CHRM3: variants seen among roughly 807,000 people sequenced by gnomAD.
The protein encoded by CHRM3 is cholinergic receptor muscarinic 3, also known as muscarinic acetylcholine receptor M3.
Under a neutral mutation model 41.8 loss-of-function variants are expected in CHRM3, and 11 were observed. That is an observed-to-expected ratio of 0.26 (90% CI 0.17 to 0.44). The LOEUF is 0.44. Among genes scored for constraint, CHRM3 ranks in the 20% least tolerant of loss-of-function variants. CHRM3 has a pLI of 1.00. For missense variants in CHRM3, 571 were observed against 745.4 expected, an observed-to-expected ratio of 0.77 and a Z score of 2.72; for synonymous variants, 297 against 301.4, an observed-to-expected ratio of 0.99 and a Z score of 0.15.
intron 3 of CHRM3, among the ~76,000 whole-genome samples, chr1:239,580,479 C>G (rs1341221781): frequency 6.6e-6 from 1 of 151,718 alleles, no homozygotes; most frequent in Non-Finnish European, 1.5e-5. Context: ...AGTTTAGCAA[C>G]TGTTTATGCC....
chr1:239,783,334 CA>C (rs1668646031), intron 5 of CHRM3, among the ~76,000 whole-genome samples: 1 of 151,746 alleles, frequency 6.6e-6, no homozygotes, highest in Admixed American at 6.6e-5. Context: ...AAAACATATT[CA>C]ATAGTCTTAA....
At chr1:239,661,493 C>G (rs1673186069) in intron 4 of CHRM3, among the ~76,000 whole-genome samples, 1 of 152,102 alleles carries the variant, frequency 6.6e-6, no homozygotes, top group African/African-American at 2.4e-5. Flanking sequence ...AAAGAATGAG[C>G]TGTCATGTTG....
chr1:239,882,381 C>G (rs1473832339), intron 6 of CHRM3, among the ~76,000 whole-genome samples: 4 of 152,142 alleles, frequency 2.6e-5, no homozygotes, highest in Non-Finnish European at 1.5e-5. Flanking sequence ...ATAATAATAG[C>G]AATATTCATT....
At chr1:239,498,449 A>G (rs1668020743) in intron 2 of CHRM3, among the ~76,000 whole-genome samples, 1 of 152,194 alleles carries the variant, frequency 6.6e-6, no homozygotes, top group South Asian at 2.1e-4. Flanking sequence ...GATTTCAATA[A>G]AATTAAATTT....
chr1:239,440,835 CT>C (rs762621607), intron 1 of CHRM3, among the ~76,000 whole-genome samples: 9 of 152,172 alleles, frequency 5.9e-5, no homozygotes, highest in Non-Finnish European at 1.2e-4. Context: ...TAAATACATT[CT>C]TAATCTTTGT....
chr1:239,437,807 G>A (rs905904180), intron 1 of CHRM3, among the ~76,000 whole-genome samples: 4 of 152,144 alleles, frequency 2.6e-5, no homozygotes, highest in South Asian at 2.1e-4. Context: ...GTCTGAAATC[G>A]GAAACTAGAG....
intron 2 of CHRM3, among the ~76,000 whole-genome samples, chr1:239,493,167 G>A (rs1667662830): frequency 6.6e-6 from 1 of 152,160 alleles, no homozygotes; most frequent in South Asian, 2.1e-4. Context: ...CTCAGGAATT[G>A]TTTCTTTTAA....
intron 1 of CHRM3, among the ~76,000 whole-genome samples, chr1:239,454,231 A>G (rs923744416): frequency 6.6e-6 from 1 of 152,150 alleles, no homozygotes; most frequent in Non-Finnish European, 1.5e-5. Flanking sequence ...GCTTCTGATA[A>G]CTATAAATTG....
At chr1:239,666,226 G>A (rs60480924) in intron 4 of CHRM3, among the ~76,000 whole-genome samples, 2,994 of 150,500 alleles carry the variant, frequency 0.02, 92 homozygotes, top group African/African-American at 0.068. Context: ...ATGGAGTCTC[G>A]CTCTGTCACC....
chr1:239,485,962 TC>T (rs1667159414), intron 1 of CHRM3, among the ~76,000 whole-genome samples: 1 of 152,188 alleles, frequency 6.6e-6, no homozygotes, highest in Admixed American at 6.5e-5. Context: ...CCTTTCTGTC[TC>T]CACCAAGCAC....
chr1:239,703,769 G>T (rs1327986827), intron 5 of CHRM3: 1 of 152,142 alleles, frequency 6.6e-6, no homozygotes, highest in African/African-American at 2.4e-5. Flanking sequence ...TCTGTGTCGG[G>T]TTTTGGAGAC....
chr1:239,580,088 A>G (rs1307781921), intron 3 of CHRM3, among the ~76,000 whole-genome samples: 1 of 152,158 alleles, frequency 6.6e-6, no homozygotes, highest in Non-Finnish European at 1.5e-5. Context: ...TTAGAACTTT[A>G]TGAATTAACT....
chr1:239,586,004 C>T (rs1484207858), intron 3 of CHRM3, among the ~76,000 whole-genome samples: 2 of 152,154 alleles, frequency 1.3e-5, no homozygotes, highest in African/African-American at 4.8e-5. Context: ...ACTAATAAAT[C>T]ATAATGCAGA....
chr1:239,571,766 A>C (rs186186221), intron 3 of CHRM3, among the ~76,000 whole-genome samples: 51 of 152,262 alleles, frequency 3.3e-4, no homozygotes, highest in Non-Finnish European at 4.4e-5. Context: ...TCCAACTCCA[A>C]ATGAAAGGGG....
At chr1:239,710,364 A>C (rs115822394) in intron 5 of CHRM3, among the ~76,000 whole-genome samples, 1 of 152,200 alleles carries the variant, frequency 6.6e-6, no homozygotes, top group Non-Finnish European at 1.5e-5. Context: ...CTCTGATCTA[A>C]GTTGGGCAAA....
Position 239,492,733 on chromosome 1 carries a change from C to G in CHRM3, c.-496C>G, listed in dbSNP as rs1235799007. 1 of 152,222 alleles carries G rather than the reference C, an allele frequency of 6.6e-6. No homozygotes were observed. The highest frequency in any genetic ancestry group is 1.5e-5 in the Non-Finnish European group (1 of 68,090). The allele number at this position is 152,222 out of a possible 1,614,324, so 9.4% of individuals were successfully genotyped here. On this transcript the variant is annotated 5_prime_UTR_variant, in exon 2 of 7. Coordinates refer to ENST00000676153, the MANE Select transcript of CHRM3 (RefSeq NM_001375978.1). ...GAAAGAAGGACTTTGCTGCTTTGGG[C>G]CAGGATCTGAACTTAGGTGTAAACC...
At chr1:239,556,892 A>G (rs769465194) in intron 3 of CHRM3, among the ~76,000 whole-genome samples, 1 of 152,202 alleles carries the variant, frequency 6.6e-6, no homozygotes, top group African/African-American at 2.4e-5. Context: ...GTGTTCGTTA[A>G]ATGGAGTTGA....
intron 5 of CHRM3, among the ~76,000 whole-genome samples, chr1:239,772,692 C>T (rs1359806815): frequency 2.6e-5 from 4 of 152,044 alleles, no homozygotes; most frequent in African/African-American, 9.7e-5. Flanking sequence ...AATTCTCCTA[C>T]CCCACTGTAC....
rs1031070280 is a variant in CHRM3, at chr1:239,720,329, A to AT, written c.-147+42042dup. ...TAGTTTCTTTGCATATATTGTTCAC[A>AT]TCATGTTCATATAGTCACTGGCAGT... On this transcript the variant is annotated intron_variant, in intron 5 of 6. Transcript: ENST00000676153. Among the ~76,000 whole-genome samples the AT allele has an allele frequency of 5.9e-5, 9 of 152,006 alleles. 1 individual carries two copies. The highest frequency in any genetic ancestry group is 2.2e-4 in the African/African-American group (9 of 41,428).
Sources: gnomAD v4.1 joint callset for allele counts (sites outside exome capture counted in the v4.1 genomes callset) on GRCh38, gnomAD v4.1.1 for gene constraint, MANE v1.5 for transcripts, NCBI Gene and HGNC (gene_info 2026-07-23, HGNC 2026-07-21) for gene names.